Variants in RAPGEF1 observed in about 807,000 individuals in gnomAD.
RAPGEF1 encodes the protein CRK SH3-binding GNRP.
In RAPGEF1, 33 loss-of-function variants were observed where a neutral mutation model predicts 143.3. The observed-to-expected ratio is 0.23, with a 90% confidence interval of 0.17 to 0.31. The LOEUF is 0.31. RAPGEF1 is among the 10% of genes least tolerant of loss of function. The pLI, the probability that RAPGEF1 is intolerant of heterozygous loss-of-function variation, is 1.00. For missense variants in RAPGEF1, 1,199 were observed against 1,645.4 expected (o/e 0.73, Z 4.69); for synonymous variants, 629 against 676.5 (o/e 0.93, Z 1.09).
At chr9:131,653,673 T>C (rs1325338467) in intron 1 of RAPGEF1, among the ~76,000 whole-genome samples, 1 of 152,200 alleles carries the variant, frequency 6.6e-6, no homozygotes, top group East Asian at 1.9e-4. Flanking sequence ...TACACATTGC[T>C]GGTAGGAATG....
chr9:131,698,041 G>A (rs1454287681), intron 1 of RAPGEF1, among the ~76,000 whole-genome samples: 1 of 152,164 alleles, frequency 6.6e-6, no homozygotes, highest in African/African-American at 2.4e-5. Flanking sequence ...GACTGTCAAA[G>A]GGCACTGAGG....
intron 15 of RAPGEF1, among the ~76,000 whole-genome samples, chr9:131,600,333 G>A (rs1161588548): frequency 3.9e-5 from 6 of 152,170 alleles, no homozygotes; most frequent in Non-Finnish European, 5.9e-5. Flanking sequence ...ACGATACTTT[G>A]GGGTCCAGTG....
intron 1 of RAPGEF1, among the ~76,000 whole-genome samples, chr9:131,702,721 C>G (rs561514787): frequency 3.3e-5 from 5 of 152,114 alleles, no homozygotes; most frequent in African/African-American, 4.8e-5. Flanking sequence ...AGGACATCAT[C>G]CAACAGAATC....
At chr9:131,587,681 C>T in intron 22 of RAPGEF1, 55 bp downstream of exon 22, 3 of 1,523,606 alleles carry the variant, frequency 2.0e-6, no homozygotes, top group South Asian at 2.3e-5. Flanking sequence ...ACGCAGAGCC[C>T]ACCCAGACGT....
intron 1 of RAPGEF1, among the ~76,000 whole-genome samples, chr9:131,682,389 G>A (rs779297992): frequency 1.3e-5 from 2 of 152,162 alleles, no homozygotes; most frequent in Admixed American, 6.5e-5. Flanking sequence ...CATCACCTCC[G>A]TACAATGTCT....
At chr9:131,592,367 T>A (rs11794623) in intron 17 of RAPGEF1, among the ~76,000 whole-genome samples, 184 bp from the exon 18 acceptor site, 41,302 of 151,930 alleles carry the variant, frequency 0.27, 6,619 homozygotes, top group Non-Finnish European at 0.36. Flanking sequence ...CCCAGAGAAG[T>A]CACACGTCCT....
At chr9:131,591,012 T>C (rs746571469) in intron 18 of RAPGEF1, among the ~76,000 whole-genome samples, 4 of 152,218 alleles carry the variant, frequency 2.6e-5, no homozygotes, top group Non-Finnish European at 4.4e-5. Context: ...AAAATGGTCA[T>C]AGAGCTAGGG....
At position 131,583,107 on chromosome 9, in the gene RAPGEF1, C is replaced by T. The variant is rs1215927417; in HGVS notation, c.3415-405G>A. 6.6e-6 allele frequency among the ~76,000 whole-genome samples: 1 copy of T among 152,174 alleles called. No individual in the cohort carries two copies. The highest frequency in any genetic ancestry group is 1.5e-5 in the Non-Finnish European group (1 of 68,018). On this transcript the variant is annotated intron_variant, in intron 24 of 26. Coordinates refer to ENST00000683357, the MANE Select transcript of RAPGEF1 (RefSeq NM_001377935.1). This position sits in a 1 kb window ranked among gnomAD's most constrained non-coding sequence, Gnocchi z 4.7. Reference sequence around the variant, plus strand: ...CACTCCTGACTCGGAGCTGCCTTTGCTCTGCCCTGTACTCAGGGAGGACCA... The same window carrying T: ...CACTCCTGACTCGGAGCTGCCTTTGTTCTGCCCTGTACTCAGGGAGGACCA...
chr9:131,724,362 G>A (rs1315409931), intron 1 of RAPGEF1, among the ~76,000 whole-genome samples: 1 of 152,190 alleles, frequency 6.6e-6, no homozygotes, highest in African/African-American at 2.4e-5. Flanking sequence ...TTGGGAGGCC[G>A]AGGCAGGTGG....
rs756837905 is a variant in RAPGEF1 at position 131,628,540 on chromosome 9, C to A, written c.1017+9G>T. 6 of 1,612,074 alleles carry A rather than the reference C, an allele frequency of 3.7e-6. No individual in the cohort carries two copies. The highest frequency in any genetic ancestry group is 5.1e-6 in the Non-Finnish European group (6 of 1,178,402). ...TGCCTTCCCATGCAGGGAACAGGGG[C>A]TGCATTACCTGCCTATTGATTCCAA... On this transcript the variant is annotated intron_variant, in intron 8 of 26. Transcript: ENST00000683357. This position sits in a 1 kb window ranked among gnomAD's most constrained non-coding sequence, Gnocchi z 5.7.
rs1952454471 is a variant in RAPGEF1, at chr9:131,584,852, G to A, written c.3234-256C>T. 6.6e-6 allele frequency among the ~76,000 whole-genome samples: 1 copy of A among 152,240 alleles called. No individual in the cohort carries two copies. The highest frequency in any genetic ancestry group is 2.1e-4 in the South Asian group (1 of 4,832). ...TAAGGAAATCTGGTGAAGGCCCAAA[G>A]GGGGCTTCGAATCTGCAGGTGGAGC... On this transcript the variant is annotated intron_variant, in intron 22 of 26. Coordinates refer to ENST00000683357, the MANE Select transcript of RAPGEF1 (RefSeq NM_001377935.1). The surrounding 1 kb of genome is among the most constrained non-coding windows in gnomAD (Gnocchi z 6.8).
intron 9 of RAPGEF1, among the ~76,000 whole-genome samples, chr9:131,627,655 A>T (rs1354243003): frequency 1.3e-5 from 2 of 152,224 alleles, no homozygotes; most frequent in South Asian, 2.1e-4. Context: ...TTACTCACTG[A>T]CAGATGAACT....
chr9:131,629,215 G>T lies in RAPGEF1; in HGVS notation c.780C>A (p.Ile260=). 6.2e-7 allele frequency: 1 copy of T among 1,613,982 alleles called. No individual in the cohort carries two copies. The highest frequency in any genetic ancestry group is 8.5e-7 in the Non-Finnish European group (1 of 1,179,874). ...ELPLTDREVE[I]LNKTTGMSQS... ...GTGACATCCCAGTCGTCTTGTTTAG[G>T]ATCTCTACCTCGCGGTCTGTCAGGG... Residue 260 remains isoleucine, a synonymous_variant, in exon 7 of 27, where the codon ATC becomes ATA. Transcript: ENST00000683357.
chr9:131,663,781 C>T (rs1829982296), intron 1 of RAPGEF1, among the ~76,000 whole-genome samples: 1 of 152,142 alleles, frequency 6.6e-6, no homozygotes, highest in South Asian at 2.1e-4. Context: ...TGCCAAATTT[C>T]TCCACTGCAA....
intron 1 of RAPGEF1, among the ~76,000 whole-genome samples, chr9:131,688,544 A>G (rs532698602): frequency 6.6e-6 from 1 of 152,322 alleles, no homozygotes; most frequent in East Asian, 1.9e-4. Context: ...ATTTACATCT[A>G]TAAAGGAAAT....
chr9:131,616,098 C>T (rs1958962442), intron 12 of RAPGEF1, among the ~76,000 whole-genome samples: 1 of 152,114 alleles, frequency 6.6e-6, no homozygotes, highest in South Asian at 2.1e-4. Context: ...GAAACCCCAT[C>T]TCTACTAAAA....
chr9:131,687,053 T>G (rs1255038793), intron 1 of RAPGEF1, among the ~76,000 whole-genome samples: 1 of 152,134 alleles, frequency 6.6e-6, no homozygotes, highest in Non-Finnish European at 1.5e-5. Flanking sequence ...TTATGTTAAA[T>G]CAAATCAACA....
At position 131,650,239 on chromosome 9, in the gene RAPGEF1, C is replaced by T. The variant is rs1434901414; in HGVS notation, c.205G>A (p.Ala69Thr). Residue 69 changes from alanine to threonine, a missense_variant, in exon 3 of 27, where the codon GCA becomes ACA. This residue lies in a region of RAPGEF1 where 613 missense variants were observed against 710.9 expected (regional missense o/e 0.86). Transcript: ENST00000683357. This position sits in a 1 kb window ranked among gnomAD's most constrained non-coding sequence, Gnocchi z 4.7. ...CCCTCTGGTAGAAATCTGTCTGTTG[C>T]CTCCTGGAAGAGAGGAAACCTGGAT... is the stretch of plus-strand genomic sequence containing the variant. ...KIPEKPVNKE[A>T]TDRFLPEGYP... 6.2e-7 allele frequency: 1 copy of T among 1,609,450 alleles called. No individual in the cohort carries two copies. Among genetic ancestry groups the T allele is most frequent in the Non-Finnish European group, 8.5e-7 (1 of 1,176,350 alleles).
chr9:131,590,892 T>A (rs1229226689), intron 18 of RAPGEF1, among the ~76,000 whole-genome samples: 1 of 152,186 alleles, frequency 6.6e-6, no homozygotes, highest in Admixed American at 6.5e-5. Flanking sequence ...ATGGGTCAGG[T>A]CCTTCATGTC....
Sources: gnomAD v4.1 joint callset for allele counts (sites outside exome capture counted in the v4.1 genomes callset) on GRCh38, gnomAD v4.1.1 for gene constraint, gnomAD v4.1.1 regional missense constraint, Gnocchi (gnomAD v3.1) non-coding constraint, MANE v1.5 for transcripts, NCBI Gene and HGNC (gene_info 2026-07-23, HGNC 2026-07-21) for gene names.